AUH: variants seen among roughly 807,000 people sequenced by gnomAD.
AUH encodes methylglutaconyl-CoA hydratase, mitochondrial.
A neutral mutation model predicts 42.3 loss-of-function variants in AUH; 29 were observed. That is an observed-to-expected ratio of 0.69 (90% CI 0.51 to 0.93). The LOEUF is 0.93. Among genes scored for constraint, AUH ranks in the 40% least tolerant of loss-of-function variants. The probability of loss-of-function intolerance (pLI) is 0.00; values close to 1 mark genes in which losing one functional copy is unlikely to be tolerated. For missense variants in AUH, 452 were observed against 438.1 expected (o/e 1.03, Z -0.28); for synonymous variants, 174 against 166.4 (o/e 1.05, Z -0.35).
At chr9:91,303,830 T>G (rs1441771765) in intron 4 of AUH, among the ~76,000 whole-genome samples, 1 of 152,172 alleles carries the variant, frequency 6.6e-6, no homozygotes, top group African/African-American at 2.4e-5. Flanking sequence ...GGCTAAAACT[T>G]TACCTTCATC....
chr9:91,347,886 T>A (rs1364575200), intron 3 of AUH, among the ~76,000 whole-genome samples: 1 of 151,958 alleles, frequency 6.6e-6, no homozygotes, highest in Non-Finnish European at 1.5e-5. Flanking sequence ...CTGCACATTG[T>A]GCACACGTAC....
At chr9:91,352,855 T>G (rs796477773) in intron 3 of AUH, among the ~76,000 whole-genome samples, 8 of 152,276 alleles carry the variant, frequency 5.3e-5, no homozygotes, top group African/African-American at 1.9e-4. Flanking sequence ...GTTCTGAGAA[T>G]GTAAAAGATG....
Position 91,355,984 on chromosome 9 carries a change from G to C in AUH, c.331-14C>G, listed in dbSNP as rs560058460. 4 of 1,608,236 alleles carry C rather than the reference G, an allele frequency of 2.5e-6. No homozygotes were observed. In the South Asian group the frequency reaches 3.3e-5, roughly 13 times the overall value. On this transcript the variant is annotated splice_polypyrimidine_tract_variant and intron_variant, in intron 2 of 9. Coordinates refer to ENST00000375731, the MANE Select transcript of AUH (RefSeq NM_001698.3). ...AGCTTTTGATAGCTAAACAGAAATAGGAAGCATAGGAGGAAAAAGAGAAAA... is the reference window on the plus strand; with the variant it reads ...AGCTTTTGATAGCTAAACAGAAATACGAAGCATAGGAGGAAAAAGAGAAAA...
At chr9:91,328,656 G>C (rs1489843392) in intron 3 of AUH, among the ~76,000 whole-genome samples, 2 of 152,072 alleles carry the variant, frequency 1.3e-5, no homozygotes, top group Non-Finnish European at 2.9e-5. Context: ...ACCAACAAGA[G>C]AGCCCACTAA....
At chr9:91,352,164 ACTC>A (rs1832036694) in intron 3 of AUH, among the ~76,000 whole-genome samples, 2 of 152,108 alleles carry the variant, frequency 1.3e-5, no homozygotes, top group African/African-American at 4.8e-5. Flanking sequence ...TATCCCAGCT[ACTC>A]AGGAGACTGA....
At chr9:91,289,195 CAGA>C in intron 6 of AUH, among the ~76,000 whole-genome samples, 1 of 152,172 alleles carries the variant, frequency 6.6e-6, no homozygotes, top group Non-Finnish European at 1.5e-5. Flanking sequence ...AATAACTTAG[CAGA>C]AGATTATTTG....
At chr9:91,346,325 G>A (rs1294985629) in intron 3 of AUH, among the ~76,000 whole-genome samples, 1 of 152,032 alleles carries the variant, frequency 6.6e-6, no homozygotes, top group African/African-American at 2.4e-5. Flanking sequence ...ATTATGTAAA[G>A]AGGCCTCCAT....
At chr9:91,239,157 T>G (rs919432763) in intron 6 of AUH, among the ~76,000 whole-genome samples, 28 of 83,038 alleles carry the variant, frequency 3.4e-4, no homozygotes, top group Non-Finnish European at 6.2e-4. Flanking sequence ...TTTTGTTCTG[T>G]TTTTTTTTTT....
At chr9:91,241,822 C>A (rs577908842) in intron 6 of AUH, among the ~76,000 whole-genome samples, 5 of 152,138 alleles carry the variant, frequency 3.3e-5, no homozygotes, top group Middle Eastern at 3.2e-3. Context: ...GAAAACAAAT[C>A]AACTATGTAA....
intron 4 of AUH, among the ~76,000 whole-genome samples, chr9:91,308,635 T>G (rs908645009): frequency 2.0e-5 from 3 of 152,162 alleles, no homozygotes. Flanking sequence ...ATATGCTGGA[T>G]TCAATCTAAT....
chr9:91,262,788 C>T (rs1315416656), intron 6 of AUH, among the ~76,000 whole-genome samples: 1 of 152,142 alleles, frequency 6.6e-6, no homozygotes, highest in Non-Finnish European at 1.5e-5. Context: ...GGCTGGCAAA[C>T]TATGGTCAGT....
chr9:91,348,710 G>GA (rs536183167), intron 3 of AUH, among the ~76,000 whole-genome samples: 60 of 152,236 alleles, frequency 3.9e-4, no homozygotes, highest in Non-Finnish European at 7.8e-4. Flanking sequence ...GCTAAACTAG[G>GA]AGCAGCAAGG....
chr9:91,361,118 C>A (rs1832815408), intron 1 of AUH, among the ~76,000 whole-genome samples: 1 of 152,224 alleles, frequency 6.6e-6, no homozygotes, highest in Admixed American at 6.5e-5. Flanking sequence ...TGAAGTGGAA[C>A]AGTCCCTCAA....
intron 6 of AUH, among the ~76,000 whole-genome samples, chr9:91,265,802 C>T (rs777932832): frequency 6.6e-6 from 1 of 152,158 alleles, no homozygotes; most frequent in Non-Finnish European, 1.5e-5. Flanking sequence ...TCTTCAGAAA[C>T]CTCTTTGCAG....
intron 6 of AUH, among the ~76,000 whole-genome samples, chr9:91,251,943 T>C (rs1829149621): frequency 6.6e-6 from 1 of 152,130 alleles, no homozygotes; most frequent in Non-Finnish European, 1.5e-5. Flanking sequence ...ACCTTTTTAT[T>C]TTTTTTAATC....
chr9:91,232,557 C>CA (rs1389229846), intron 6 of AUH, among the ~76,000 whole-genome samples: 4 of 152,248 alleles, frequency 2.6e-5, no homozygotes, highest in African/African-American at 9.6e-5. Flanking sequence ...CCCCACCAGC[C>CA]AAAGGTACTA....
intron 4 of AUH, among the ~76,000 whole-genome samples, chr9:91,317,330 A>G (rs575222107): frequency 3.9e-5 from 6 of 152,184 alleles, no homozygotes; most frequent in Non-Finnish European, 7.4e-5. Context: ...CTTCCTATTC[A>G]AGAGGATAAT....
intron 3 of AUH, among the ~76,000 whole-genome samples, chr9:91,337,131 C>T (rs59186643): frequency 4.9e-4 from 74 of 152,274 alleles, no homozygotes; most frequent in African/African-American, 1.7e-3. Context: ...TCCCCACTGC[C>T]CACAGAGCAG....
intron 6 of AUH, among the ~76,000 whole-genome samples, chr9:91,246,344 C>T (rs969294948): frequency 7.2e-5 from 11 of 152,178 alleles, no homozygotes; most frequent in Admixed American, 5.9e-4. Context: ...CCAGCCTCCC[C>T]ACTCCTCAAA....
Sources: allele counts gnomAD v4.1 joint callset (sites outside exome capture counted in the v4.1 genomes callset), GRCh38; gene constraint gnomAD v4.1.1; transcripts MANE v1.5; gene names NCBI Gene and HGNC (gene_info 2026-07-23, HGNC 2026-07-21).